The following SLC2A3 variants were observed in gnomAD, a reference collection of about 807,000 sequenced individuals.
SLC2A3 encodes solute carrier family 2, facilitated glucose transporter member 3.
SLC2A3 carries 21 observed loss-of-function variants against 46.4 expected under a neutral mutation model. The ratio of observed to expected loss-of-function variants is 0.45; its 90% CI spans 0.32 to 0.65. The LOEUF (loss-of-function observed/expected upper bound fraction) is 0.65, where lower values mean the gene tolerates loss of function less well. SLC2A3 is among the 30% of genes least tolerant of loss of function. The probability of loss-of-function intolerance (pLI) is 0.04; values close to 1 mark genes in which losing one functional copy is unlikely to be tolerated. For synonymous variants in SLC2A3, 213 were observed against 239.4 expected, an observed-to-expected ratio of 0.89 and a Z score of 1.02; for missense variants, 499 against 623.3, an observed-to-expected ratio of 0.80 and a Z score of 2.12.
chr12:7,920,504 G>A lies in SLC2A3; in HGVS notation c.*909C>T, dbSNP rs772316903. 2.6e-5 allele frequency: 4 copies of A among 152,044 alleles called. No homozygotes were observed. The highest frequency in any genetic ancestry group is 5.9e-5 in the Non-Finnish European group (4 of 67,998). 9.4% of individuals were successfully genotyped at this position (152,044 alleles called of 1,614,324 possible). On this transcript the variant is annotated 3_prime_UTR_variant, in exon 10 of 10. Transcript: ENST00000075120. ...ATTAGTTAATAATCCTAGATTTCAA[G>A]TACTACTACATGTAAACTATTATCT...
At chr12:7,927,637 T>A (rs1946109210) in intron 6 of SLC2A3, among the ~76,000 whole-genome samples, 1 of 152,112 alleles carries the variant, frequency 6.6e-6, no homozygotes, top group East Asian at 1.9e-4. Context: ...TACAGACAAC[T>A]TTCAGGTCTC....
Position 7,922,870 on chromosome 12 carries a change from G to T in SLC2A3, c.1223C>A (p.Ser408Tyr). Residue 408 changes from serine to tyrosine, a missense_variant, in exon 9 of 10, where the codon TCC becomes TAC. By Grantham distance (144) the Ser-to-Tyr change is moderately radical (BLOSUM62 -2). This residue lies in a region of SLC2A3 where 179 missense variants were observed against 205.1 expected (regional missense o/e 0.87). Transcript: ENST00000075120. ...GACTAGGAAGTTGGAGGTCCAGTTG[G>T]AGCAGCCGGCCACTGCCATCGCAGC... ...RPAAMAVAGC[S>Y]NWTSNFLVGL... 1 of 1,614,092 alleles carries T rather than the reference G, an allele frequency of 6.2e-7. No homozygotes were observed. Among genetic ancestry groups the T allele is most frequent in the Non-Finnish European group, 8.5e-7 (1 of 1,179,970 alleles).
At chr12:7,934,233 G>A (rs755439572) in intron 1 of SLC2A3, among the ~76,000 whole-genome samples, 1 of 152,204 alleles carries the variant, frequency 6.6e-6, no homozygotes, top group African/African-American at 2.4e-5. Flanking sequence ...CGAACTGGGA[G>A]GGCAGAGAAA....
rs142462576 is a variant in SLC2A3 at position 7,921,418 on chromosome 12, C to T, written c.1486G>A (p.Val496Ile). The change falls in exon 10 of 10, where the codon GTC (valine) becomes ATC (isoleucine). Residue 496 changes from valine to isoleucine, a missense_variant. Around this residue, in one of 5 missense-constraint regions of SLC2A3, gnomAD observed 179 missense variants for 205.1 expected, o/e 0.87. Coordinates refer to ENST00000075120, the MANE Select transcript of SLC2A3 (RefSeq NM_006931.3). Reference sequence around the variant, plus strand: ...GAGGTGGAAGGAGGCACGACTTAGACATTGGTGGTGGTCTCCTTAGCAGGC... The same window carrying T: ...GAGGTGGAAGGAGGCACGACTTAGATATTGGTGGTGGTCTCCTTAGCAGGC... ...IEPAKETTTN[V>I] The T allele has an allele frequency of 2.6e-4, 416 of 1,614,036 alleles. No homozygotes were observed. In the African/African-American group the frequency reaches 4.2e-3, roughly 16 times the overall value.
Position 7,921,544 on chromosome 12 carries a change from G to C in SLC2A3, c.1360C>G (p.Arg454Gly). 1.9e-6 allele frequency: 3 copies of C among 1,613,926 alleles called. No individual in the cohort carries two copies. The highest frequency in any genetic ancestry group is 2.5e-6 in the Non-Finnish European group (3 of 1,179,866). Residue 454 changes from arginine to glycine, a missense_variant, in exon 10 of 10, where the codon CGT becomes GGT. This residue lies in a region of SLC2A3 where 179 missense variants were observed against 205.1 expected (regional missense o/e 0.87). Coordinates refer to ENST00000075120, the MANE Select transcript of SLC2A3 (RefSeq NM_006931.3). ...AFTFFKVPET[R>G]GRTFEDITRA... is the part of the protein sequence containing the mutation. ...GTGATATCCTCAAAAGTCCTGCCACGGGTCTCAGGGACTTTGAAGAAGGTA... is the reference window on the plus strand; with the variant it reads ...GTGATATCCTCAAAAGTCCTGCCACCGGTCTCAGGGACTTTGAAGAAGGTA...
chr12:7,933,755 C>T, intron 2 of SLC2A3, 55 bp downstream of exon 2: 1 of 1,575,046 alleles, frequency 6.3e-7, no homozygotes, highest in Non-Finnish European at 8.7e-7. Flanking sequence ...TGAAACCCTA[C>T]TTAAAGGAAT....
chr12:7,927,607 G>A (rs1406891591), intron 6 of SLC2A3, among the ~76,000 whole-genome samples: 1 of 151,990 alleles, frequency 6.6e-6, no homozygotes, highest in African/African-American at 2.4e-5. Context: ...CAAGCCTGCT[G>A]TGCATCAGAT....
intron 4 of SLC2A3, among the ~76,000 whole-genome samples, chr12:7,931,031 C>T (rs1419349919): frequency 1.3e-5 from 2 of 152,020 alleles, no homozygotes; most frequent in South Asian, 2.1e-4. Flanking sequence ...CTGCTGACCT[C>T]GTGATCTGCC....
Position 7,922,870 on chromosome 12 carries a change from G to A in SLC2A3, c.1223C>T (p.Ser408Phe). The change falls in exon 9 of 10, where the codon TCC (serine) becomes TTC (phenylalanine). Residue 408 changes from serine to phenylalanine, a missense_variant. Physicochemically the swap from Ser to Phe is radical, Grantham distance 155. This residue lies in a region of SLC2A3 where 179 missense variants were observed against 205.1 expected (regional missense o/e 0.87). Coordinates refer to ENST00000075120, the MANE Select transcript of SLC2A3 (RefSeq NM_006931.3). ...RPAAMAVAGC[S>F]NWTSNFLVGL... ...GACTAGGAAGTTGGAGGTCCAGTTG[G>A]AGCAGCCGGCCACTGCCATCGCAGC... 4 of 1,614,092 alleles carry A rather than the reference G, an allele frequency of 2.5e-6. No individual in the cohort carries two copies. The highest frequency in any genetic ancestry group is 3.4e-6 in the Non-Finnish European group (4 of 1,179,970).
chr12:7,933,608 G>T, intron 2 of SLC2A3: 1 of 560,652 alleles, frequency 1.8e-6, no homozygotes. Context: ...CCCCTAGTTT[G>T]GGGAGGGACC....
chr12:7,925,426 G>C (rs938325444), intron 7 of SLC2A3: 3 of 157,762 alleles, frequency 1.9e-5, no homozygotes, highest in African/African-American at 7.2e-5. Flanking sequence ...GGTAGACAGT[G>C]TCATAATTAA....
rs766225842 is a variant in SLC2A3, at chr12:7,933,016, G to A, written c.240C>T (p.Ser80=). Residue 80 remains serine, a synonymous_variant, in exon 3 of 10, where the codon TCC becomes TCT. Transcript: ENST00000075120. ...CAAAGCGGTTGACGAAGAGTCCGAC[G>A]GAAAAGGAGCCGATCATACCCCCGA... ...FSVGGMIGSF[S]VGLFVNRFGR... 1.6e-5 allele frequency: 26 copies of A among 1,614,018 alleles called. No individual in the cohort carries two copies. In the South Asian group the frequency reaches 1.6e-4, roughly 10 times the overall value.
chr12:7,929,353 T>C (rs2300141), intron 6 of SLC2A3, among the ~76,000 whole-genome samples: 26,153 of 151,938 alleles, frequency 0.17, 2,897 homozygotes, highest in East Asian at 0.52. Context: ...TAAACTATCA[T>C]CTATCATGCC....
chr12:7,930,326 G>A (rs1946138771), intron 5 of SLC2A3, 154 bp downstream of exon 5: 1 of 782,984 alleles, frequency 1.3e-6, no homozygotes, highest in Non-Finnish European at 2.0e-6. Flanking sequence ...CATTCTTTAG[G>A]GGCTGAAAAT....
intron 5 of SLC2A3, 28 bp from the exon 6 acceptor site, chr12:7,929,899 T>C (rs755801807): frequency 2.5e-6 from 4 of 1,613,632 alleles, no homozygotes; most frequent in Non-Finnish European, 3.4e-6. Flanking sequence ...GAGGAAAGGA[T>C]AAAAGAGAAT....
intron 6 of SLC2A3, among the ~76,000 whole-genome samples, chr12:7,927,948 G>C (rs920619137): frequency 7.2e-5 from 11 of 151,910 alleles, no homozygotes; most frequent in Non-Finnish European, 1.3e-4. Flanking sequence ...AAATAAGCAA[G>C]GTATGGTGGT....
At position 7,931,387 on chromosome 12, in the gene SLC2A3, C is replaced by A; in HGVS notation, c.368G>T (p.Gly123Val). 1 of 1,614,160 alleles carries A rather than the reference C, an allele frequency of 6.2e-7. No individual in the cohort carries two copies. Among genetic ancestry groups the A allele is most frequent in the Non-Finnish European group, 8.5e-7 (1 of 1,180,018 alleles). The change falls in exon 4 of 10, where the codon GGT (glycine) becomes GTT (valine). Residue 123 changes from glycine to valine, a missense_variant. Coordinates refer to ENST00000075120, the MANE Select transcript of SLC2A3 (RefSeq NM_006931.3). ...GCAGAAGAGGCCAATAACCAAGCGA[C>A]CCAGGATCAGCATTTCAACCGACTT... The part of the protein sequence containing the change: ...VAKSVEMLIL[G>V]RLVIGLFCGL...
intron 6 of SLC2A3, among the ~76,000 whole-genome samples, chr12:7,926,381 G>A (rs1030208349): frequency 1.5e-4 from 23 of 152,046 alleles, no homozygotes; most frequent in Non-Finnish European, 5.9e-5. Flanking sequence ...ATGAGCCACC[G>A]CACCTGGCCC....
chr12:7,923,951 A>G (rs1020583332), intron 8 of SLC2A3, among the ~76,000 whole-genome samples: 8 of 152,028 alleles, frequency 5.3e-5, no homozygotes, highest in African/African-American at 1.9e-4. Context: ...TATTTTTAAT[A>G]GAGACGGGGT....
Sources: allele counts gnomAD v4.1 joint callset (sites outside exome capture counted in the v4.1 genomes callset), GRCh38; gene constraint gnomAD v4.1.1; regional missense constraint gnomAD v4.1.1; transcripts MANE v1.5; gene names NCBI Gene and HGNC (gene_info 2026-07-23, HGNC 2026-07-21).